DNAJC13: variants seen among roughly 807,000 people sequenced by gnomAD.
DNAJC13 encodes the protein dnaJ homolog subfamily C member 13.
A neutral mutation model predicts 290.5 loss-of-function variants in DNAJC13; 75 were observed. The ratio of observed to expected loss-of-function variants is 0.26; its 90% CI spans 0.21 to 0.31. The LOEUF (loss-of-function observed/expected upper bound fraction) is 0.31. Among genes scored for constraint, DNAJC13 ranks in the 10% least tolerant of loss-of-function variants. DNAJC13 has a pLI of 1.00. For missense variants in DNAJC13, 2,260 were observed against 2,674.5 expected (o/e 0.85, Z 3.42); for synonymous variants, 862 against 892.0 (o/e 0.97, Z 0.60).
intron 33 of DNAJC13, 82 bp downstream of exon 33, chr3:132,492,697 T>G (rs1935101224): frequency 6.0e-6 from 7 of 1,162,476 alleles, no homozygotes; most frequent in Non-Finnish European, 8.8e-6. Flanking sequence ...CCTCCTGCAG[T>G]AAGATGGTTA....
At position 132,457,287 on chromosome 3, in the gene DNAJC13, G is replaced by A. The variant is rs757697465; in HGVS notation, c.1368G>A (p.Gly456=). The change falls in exon 13 of 56, where the codon GGG becomes GGA. Residue 456 remains glycine, a synonymous_variant. Coordinates refer to ENST00000260818, the MANE Select transcript of DNAJC13 (RefSeq NM_015268.4). ...TQLPKFRERL[G]VKVVKALKRS... ...CCAAAAGGTTTCGCGAGCGTCTAGG[G>A]GTGAAGGTAGTAAAAGCACTCAAAA... 1.9e-6 allele frequency: 3 copies of A among 1,612,194 alleles called. No individual in the cohort carries two copies. Among genetic ancestry groups the A allele is most frequent in the South Asian group, 1.1e-5 (1 of 90,648 alleles).
rs759119807 is a variant in DNAJC13, at chr3:132,483,591, G to C, written c.3182+14G>C. ...TTTTCCAAGCAGGTAAAATGTAATT[G>C]AATGTTTCCATGGTTAATTGATATG... On this transcript the variant is annotated intron_variant, in intron 28 of 55. Coordinates refer to ENST00000260818, the MANE Select transcript of DNAJC13 (RefSeq NM_015268.4). 6.2e-7 allele frequency: 1 copy of C among 1,611,366 alleles called. No individual in the cohort carries two copies. The highest frequency in any genetic ancestry group is 8.5e-7 in the Non-Finnish European group (1 of 1,177,642).
chr3:132,494,638 A>C lies in DNAJC13; in HGVS notation c.3941+379A>C, dbSNP rs1373707148. ...CTAGGACACCAAATGACAGATTATG[A>C]AAGAATGCAGATTTATCTTGTTTAT... On this transcript the variant is annotated intron_variant, in intron 34 of 55. Transcript: ENST00000260818. 2.0e-5 allele frequency among the ~76,000 whole-genome samples: 3 copies of C among 152,274 alleles called. No homozygotes were observed. The Middle Eastern group carries it at 0.01, about 518-fold the overall frequency.
chr3:132,524,995 G>A (rs1936207332), intron 51 of DNAJC13, among the ~76,000 whole-genome samples: 1 of 152,146 alleles, frequency 6.6e-6, no homozygotes, highest in South Asian at 2.1e-4. Flanking sequence ...TAACATACCT[G>A]CAACATGGTC....
chr3:132,502,193 T>C (rs1307641801), intron 39 of DNAJC13, 96 bp from the exon 40 acceptor site: 14 of 1,072,362 alleles, frequency 1.3e-5, no homozygotes, highest in Non-Finnish European at 1.6e-5. Context: ...AATAACGTGG[T>C]TGGCTTGACA....
intron 9 of DNAJC13, among the ~76,000 whole-genome samples, chr3:132,455,802 A>C (rs559368918): frequency 2.6e-5 from 4 of 152,336 alleles, no homozygotes; most frequent in African/African-American, 9.6e-5. Flanking sequence ...GAGATAGATC[A>C]GTGGTTTCCT....
chr3:132,533,333 C>CTTTTTTTTTTTTTTTTTTTTTT (rs1180651951), intron 55 of DNAJC13, among the ~76,000 whole-genome samples: 1 of 115,714 alleles, frequency 8.6e-6, no homozygotes, highest in African/African-American at 3.5e-5. Context: ...TGCCCGCCCT[C>CTTTTTTTTTTTTTTTTTTTTTT]TTTTTTTTTT....
chr3:132,432,219 G>A (rs1939259486), intron 1 of DNAJC13, among the ~76,000 whole-genome samples: 1 of 151,618 alleles, frequency 6.6e-6, no homozygotes, highest in African/African-American at 2.4e-5. Context: ...TTTTTTTGGG[G>A]GGGGACAGAG....
intron 19 of DNAJC13, 52 bp downstream of exon 19, chr3:132,466,446 T>C (rs571340460): frequency 1.2e-5 from 16 of 1,387,274 alleles, no homozygotes; most frequent in South Asian, 1.8e-5. Flanking sequence ...GGTACTGTTA[T>C]ATATATGTCT....
At chr3:132,444,899 C>A (rs911256680) in intron 2 of DNAJC13, among the ~76,000 whole-genome samples, 9 of 152,062 alleles carry the variant, frequency 5.9e-5, no homozygotes, top group African/African-American at 2.2e-4. Flanking sequence ...GTTTCTCACT[C>A]CACTTTAGAC....
At position 132,471,737 on chromosome 3, in the gene DNAJC13, G is replaced by A. The variant is rs1368227117; in HGVS notation, c.2209-1408G>A. 3.0e-5 allele frequency among the ~76,000 whole-genome samples: 4 copies of A among 131,920 alleles called. 1 individual carries two copies. Among genetic ancestry groups the A allele is most frequent in the Non-Finnish European group, 6.7e-5 (4 of 59,826 alleles). 86.5% of individuals were successfully genotyped at this position (131,920 alleles called of 152,430 possible). On this transcript the variant is annotated intron_variant, in intron 20 of 55. Transcript: ENST00000260818. ...ACTTCCTAGATGGGATGGCGGCCGG[G>A]CGGAGACGCTCCTCACTTTCCAGAC...
chr3:132,509,390 G>A (rs564814022), intron 43 of DNAJC13, among the ~76,000 whole-genome samples: 2 of 152,310 alleles, frequency 1.3e-5, no homozygotes, highest in Non-Finnish European at 2.9e-5. Context: ...TATAAAACTT[G>A]AAGAGAAAAA....
At chr3:132,528,375 G>A (rs1936322900) in intron 54 of DNAJC13, 43 bp downstream of exon 54, 1 of 1,609,640 alleles carries the variant, frequency 6.2e-7, no homozygotes. Context: ...TAAAAGCCAG[G>A]GTCTTGGCCA....
At chr3:132,466,434 A>G in intron 19 of DNAJC13, 40 bp downstream of exon 19, 1 of 1,511,048 alleles carries the variant, frequency 6.6e-7, no homozygotes, top group Non-Finnish European at 8.9e-7. Flanking sequence ...TTTAGGAGTA[A>G]GGGTACTGTT....
chr3:132,507,989 C>G (rs1028233895), intron 43 of DNAJC13, among the ~76,000 whole-genome samples: 1 of 152,128 alleles, frequency 6.6e-6, no homozygotes, highest in Non-Finnish European at 1.5e-5. Flanking sequence ...AGGAAAAGTT[C>G]TTGAAGGAAA....
At chr3:132,501,063 T>TCCATTTACAGCAAGGC in intron 39 of DNAJC13, 150 bp downstream of exon 39, 1 of 1,036,188 alleles carries the variant, frequency 9.7e-7, no homozygotes, top group Non-Finnish European at 1.4e-6. Context: ...CACAGAAGCC[T>TCCATTTACAGCAAGGC]TGCTGTAAAT....
At chr3:132,465,500 C>A (rs1933949170) in intron 17 of DNAJC13, among the ~76,000 whole-genome samples, 1 of 152,098 alleles carries the variant, frequency 6.6e-6, no homozygotes, top group Non-Finnish European at 1.5e-5. Context: ...GAATAATTTG[C>A]TATAAGTGGT....
At chr3:132,512,961 A>T in intron 44 of DNAJC13, 47 bp from the exon 45 acceptor site, 1 of 1,506,394 alleles carries the variant, frequency 6.6e-7, no homozygotes, top group Non-Finnish European at 9.2e-7. Context: ...AAGTTAAATA[A>T]TTTCAAACAT....
intron 2 of DNAJC13, among the ~76,000 whole-genome samples, chr3:132,438,004 T>C (rs1023862452): frequency 2.0e-5 from 3 of 146,492 alleles, no homozygotes; most frequent in African/African-American, 7.7e-5. Flanking sequence ...TGAACAGAGA[T>C]CATGCCACTG....
Sources: allele counts gnomAD v4.1 joint callset (sites outside exome capture counted in the v4.1 genomes callset), GRCh38; gene constraint gnomAD v4.1.1; transcripts MANE v1.5; gene names NCBI Gene and HGNC (gene_info 2026-07-23, HGNC 2026-07-21).